The following C12orf42 variants were observed in gnomAD, a reference collection of about 807,000 sequenced individuals.
C12orf42 encodes the protein chromosome 12 open reading frame 42.
A neutral mutation model predicts 21.6 loss-of-function variants in C12orf42; 25 were observed. The observed-to-expected ratio is 1.16, with a 90% CI of 0.84 to 1.62. The LOEUF (loss-of-function observed/expected upper bound fraction) is 1.62. Ranked by LOEUF, C12orf42 falls within the 40% of genes most tolerant of loss-of-function variation. The pLI is 0.00. For synonymous variants in C12orf42, 174 were observed against 175.0 expected (o/e 0.99, Z 0.05); for missense variants, 483 against 459.3 (o/e 1.05, Z -0.47).
chr12:103,063,062 C>T, the C12orf42 span, among the ~76,000 whole-genome samples: 20 of 152,188 alleles, frequency 1.3e-4, no homozygotes, highest in African/African-American at 2.4e-4. Flanking sequence ...CCTGAAACAC[C>T]GCTCATGAGA....
intron 4 of C12orf42, among the ~76,000 whole-genome samples, chr12:103,283,405 T>C (rs529978373): frequency 6.6e-6 from 1 of 152,260 alleles, no homozygotes; most frequent in East Asian, 1.9e-4. Flanking sequence ...TCAGAGCCCA[T>C]CCCACTGCTT....
At chr12:103,552,887 C>A in the C12orf42 span, among the ~76,000 whole-genome samples, 2 of 152,122 alleles carry the variant, frequency 1.3e-5, no homozygotes, top group Non-Finnish European at 1.5e-5. Context: ...TATGTGGCAA[C>A]AGGCAAGAGA....
chr12:103,544,168 C>A, the C12orf42 span, among the ~76,000 whole-genome samples: 137 of 152,116 alleles, frequency 9.0e-4, no homozygotes, highest in Non-Finnish European at 1.5e-3. Flanking sequence ...GAGGTGTGAG[C>A]CACCGTGCCC....
intron 2 of C12orf42, among the ~76,000 whole-genome samples, chr12:103,464,070 A>G (rs930537647): frequency 3.9e-5 from 6 of 152,174 alleles, no homozygotes; most frequent in Non-Finnish European, 7.4e-5. Context: ...AATTATTTCT[A>G]TTCCTTTGGG....
At chr12:103,424,178 T>G (rs1016754728) in intron 2 of C12orf42, among the ~76,000 whole-genome samples, 4 of 152,246 alleles carry the variant, frequency 2.6e-5, no homozygotes, top group African/African-American at 9.6e-5. Flanking sequence ...ACATGGTGCC[T>G]CTTCCCATTT....
chr12:103,134,760 C>T, the C12orf42 span, among the ~76,000 whole-genome samples: 54,049 of 151,788 alleles, frequency 0.36, 10,126 homozygotes, highest in East Asian at 0.48. Context: ...CACAGGAAAT[C>T]CAGAGAACCT....
upstream of C12orf42, among the ~76,000 whole-genome samples, chr12:103,499,274 G>A (rs1955657341): frequency 6.6e-6 from 1 of 152,130 alleles, no homozygotes; most frequent in South Asian, 2.1e-4. Flanking sequence ...ACCAAAAATG[G>A]TAATTATATG....
At chr12:103,397,204 T>C (rs950624204) in intron 3 of C12orf42, among the ~76,000 whole-genome samples, 2 of 152,256 alleles carry the variant, frequency 1.3e-5, no homozygotes, top group African/African-American at 4.8e-5. Context: ...TCCTTTAAAC[T>C]AGTTGCAACA....
chr12:103,400,354 C>T (rs2138668851), intron 3 of C12orf42, among the ~76,000 whole-genome samples: 1 of 152,334 alleles, frequency 6.6e-6, no homozygotes, highest in East Asian at 1.9e-4. Flanking sequence ...GAGATTGGAT[C>T]TGTGGTCCCC....
At chr12:103,505,378 CT>C in the C12orf42 span, 1 of 314,306 alleles carries the variant, frequency 3.2e-6, no homozygotes, top group African/African-American at 2.3e-5. Context: ...AATAAGAAGG[CT>C]GCACGTCTGA....
chr12:103,189,139 C>G, the C12orf42 span, among the ~76,000 whole-genome samples: 2 of 152,130 alleles, frequency 1.3e-5, no homozygotes, highest in Admixed American at 1.3e-4. Context: ...GAGACAAAAA[C>G]AAGGCTGGGA....
downstream of C12orf42, among the ~76,000 whole-genome samples, chr12:103,236,866 T>C (rs139658918): frequency 2.3e-3 from 349 of 152,202 alleles, 3 homozygotes; most frequent in Admixed American, 3.9e-3. Context: ...AGGAAGAAAA[T>C]CAATCTTTCG....
chr12:103,336,189 A>G (rs887598665), intron 4 of C12orf42, among the ~76,000 whole-genome samples: 1 of 152,256 alleles, frequency 6.6e-6, no homozygotes, highest in African/African-American at 2.4e-5. Context: ...GATATTGAAC[A>G]TAGCGCCTAG....
the C12orf42 span, among the ~76,000 whole-genome samples, chr12:103,112,905 C>T: frequency 6.6e-6 from 1 of 152,178 alleles, no homozygotes; most frequent in Admixed American, 6.5e-5. Flanking sequence ...TACCTGCTGG[C>T]CTACTTCTAA....
chr12:103,524,088 G>A, the C12orf42 span, among the ~76,000 whole-genome samples: 3 of 152,138 alleles, frequency 2.0e-5, no homozygotes, highest in Non-Finnish European at 4.4e-5. Context: ...GCTTAAGTGG[G>A]TTTAAGGTGT....
chr12:103,147,717 A>C, the C12orf42 span, among the ~76,000 whole-genome samples: 1 of 146,410 alleles, frequency 6.8e-6, no homozygotes, highest in African/African-American at 2.5e-5. Context: ...GTTCACTTGG[A>C]ATGTTGGTAC....
the C12orf42 span, among the ~76,000 whole-genome samples, chr12:103,167,208 A>G: frequency 6.6e-6 from 1 of 152,190 alleles, no homozygotes; most frequent in Non-Finnish European, 1.5e-5. Flanking sequence ...AGCCCCAGGT[A>G]CTACAGACCT....
intron 3 of C12orf42, chr12:103,396,769 G>A (rs905657395): frequency 6.6e-6 from 1 of 152,264 alleles, no homozygotes; most frequent in Non-Finnish European, 1.5e-5. Context: ...AGTGTGCTTG[G>A]AGGACTGAGC....
the C12orf42 span, among the ~76,000 whole-genome samples, chr12:103,104,022 CATTTT>C: frequency 6.6e-6 from 1 of 152,096 alleles, no homozygotes; most frequent in Non-Finnish European, 1.5e-5. Context: ...TTATATACAT[CATTTT>C]ATTTAAATCT....
Sources: allele counts gnomAD v4.1 joint callset (sites outside exome capture counted in the v4.1 genomes callset), GRCh38; gene constraint gnomAD v4.1.1; transcripts MANE v1.5; gene names NCBI Gene and HGNC (gene_info 2026-07-23, HGNC 2026-07-21).